Variants in HMCN2 observed in about 807,000 individuals in gnomAD.
HMCN2 encodes hemicentin-2.
A neutral mutation model predicts 377.5 loss-of-function variants in HMCN2; 325 were observed. The observed-to-expected ratio is 0.86, with a 90% CI of 0.79 to 0.94. The LOEUF (loss-of-function observed/expected upper bound fraction) is 0.94. HMCN2 is among the 40% of genes least tolerant of loss of function. The pLI, the probability that HMCN2 is intolerant of heterozygous loss-of-function variation, is 0.00. For missense variants in HMCN2, 4,543 were observed against 4,725.3 expected (o/e 0.96, Z 1.13); for synonymous variants, 2,007 against 2,046.8 (o/e 0.98, Z 0.53).
At chr9:130,420,758 CT>C (rs1005463788) in intron 86 of HMCN2, among the ~76,000 whole-genome samples, 1 of 152,094 alleles carries the variant, frequency 6.6e-6, no homozygotes, top group African/African-American at 2.4e-5. Flanking sequence ...TGGATTAGGC[CT>C]GCCCTAATGA....
intron 61 of HMCN2, 50 bp downstream of exon 61, chr9:130,386,574 A>G: frequency 8.3e-7 from 1 of 1,206,730 alleles, no homozygotes. Flanking sequence ...CCCTAGCAAC[A>G]CCCAGGGCTG....
chr9:130,384,151 C>T (rs181638228), intron 57 of HMCN2, among the ~76,000 whole-genome samples: 153 of 152,336 alleles, frequency 1.0e-3, no homozygotes, highest in Non-Finnish European at 1.1e-3. Flanking sequence ...CTGCCACTGA[C>T]CAGCTGTGTG....
chr9:130,273,946 C>CA (rs1834539538), intron 1 of HMCN2, among the ~76,000 whole-genome samples: 1 of 151,828 alleles, frequency 6.6e-6, no homozygotes. Context: ...AAAAACAAAA[C>CA]AAAAAATCCA....
intron 8 of HMCN2, among the ~76,000 whole-genome samples, chr9:130,301,854 C>T (rs966406457): frequency 2.0e-5 from 3 of 152,220 alleles, no homozygotes; most frequent in African/African-American, 7.2e-5. Flanking sequence ...GCTGACCCAG[C>T]GGGGCAGTTT....
Position 130,393,626 on chromosome 9 carries a change from T to C in HMCN2, c.10235-116T>C, listed in dbSNP as rs189136862. On this transcript the variant is annotated intron_variant, in intron 67 of 97. Coordinates refer to ENST00000683500, the MANE Select transcript of HMCN2 (RefSeq NM_001291815.2). This position sits in a 1 kb window ranked among gnomAD's most constrained non-coding sequence, Gnocchi z 5.2. ...CTGTGGGAGCACAGAGGAGGGCACCTCACCTGGCCTTGGGGGACCAGGGCG... is the reference window on the plus strand; with the variant it reads ...CTGTGGGAGCACAGAGGAGGGCACCCCACCTGGCCTTGGGGGACCAGGGCG... The C allele has an allele frequency of 1.4e-4, 134 of 964,892 alleles. No homozygotes were observed. The African/African-American group carries it at 2.1e-3, about 15-fold the overall frequency. The allele number at this position is 964,892 out of a possible 1,614,324, so 59.8% of individuals were successfully genotyped here.
At position 130,433,404 on chromosome 9, in the gene HMCN2, A is replaced by C. The variant is rs1844884505; in HGVS notation, c.14951A>C (p.Gln4984Pro). Residue 4984 changes from glutamine to proline, a missense_variant, in exon 98 of 98, where the codon CAG becomes CCG. By Grantham distance (76) the Gln-to-Pro change is moderately conservative (BLOSUM62 -1). This residue lies in a region of HMCN2 where 1,155 missense variants were observed against 1,157.7 expected (regional missense o/e 1.00). Transcript: ENST00000683500. Reference sequence around the variant, plus strand: ...GGCACGGGCGGCCCCTCTACGCTGCAGTACCGGCTGCTGCCGCTGCCCCTG... The same window carrying C: ...GGCACGGGCGGCCCCTCTACGCTGCCGTACCGGCTGCTGCCGCTGCCCCTG... Reference protein sequence around the residue: ...DCGTGGPSTLQYRLLPLPLGV... With the variant: ...DCGTGGPSTLPYRLLPLPLGV... 6.7e-7 allele frequency: 1 copy of C among 1,493,078 alleles called. No homozygotes were observed. The highest frequency in any genetic ancestry group is 8.9e-7 in the Non-Finnish European group (1 of 1,129,548). The allele number at this position is 1,493,078 out of a possible 1,614,324, so 92.5% of individuals were successfully genotyped here. A position where few individuals can be genotyped will look rare whatever the true frequency, so the allele number is the denominator to read the frequency against.
chr9:130,324,717 C>T (rs1169575031), intron 19 of HMCN2, among the ~76,000 whole-genome samples: 2 of 152,134 alleles, frequency 1.3e-5, no homozygotes, highest in African/African-American at 2.4e-5. Flanking sequence ...CTCCACCTCC[C>T]GGGTTCAAGT....
intron 1 of HMCN2, among the ~76,000 whole-genome samples, chr9:130,275,907 T>G (rs1554922983): frequency 6.6e-6 from 1 of 152,088 alleles, no homozygotes; most frequent in African/African-American, 2.4e-5. Flanking sequence ...TGAGCTGGAC[T>G]AGGCACGTCC....
rs1554931421 is a variant in HMCN2, at chr9:130,294,932, G to A, written c.690G>A (p.Glu230=). 4 of 470,636 alleles carry A rather than the reference G, an allele frequency of 8.5e-6. No homozygotes were observed. The highest frequency in any genetic ancestry group is 7.1e-5 in the Admixed American group (3 of 42,512). 29.2% of individuals were successfully genotyped at this position (470,636 alleles called of 1,614,324 possible). A position where few individuals can be genotyped will look rare whatever the true frequency, so the allele number is the denominator to read the frequency against. The part of the protein sequence containing the change: ...LLSTDHEEEG[E]HTWRLPFDPS... ...CCACAGACCACGAGGAGGAGGGGGAGCACACATGGAGACTCCCCTTTGACC... is the reference window on the plus strand; with the variant it reads ...CCACAGACCACGAGGAGGAGGGGGAACACACATGGAGACTCCCCTTTGACC... Residue 230 remains glutamate (E), a synonymous_variant, in exon 5 of 98, where the codon GAG becomes GAA. Coordinates refer to ENST00000683500, the MANE Select transcript of HMCN2 (RefSeq NM_001291815.2).
intron 59 of HMCN2, 129 bp from the exon 60 acceptor site, chr9:130,385,431 C>T (rs764187685): frequency 6.2e-6 from 3 of 485,522 alleles, no homozygotes; most frequent in Non-Finnish European, 1.1e-5. Flanking sequence ...TCCCCTGGGT[C>T]TGCGCCAGCC....
At position 130,425,943 on chromosome 9, in the gene HMCN2, G is replaced by GT. The variant is rs1184756267; in HGVS notation, c.13879+21dup. On this transcript the variant is annotated intron_variant, in intron 90 of 97. Transcript: ENST00000683500. ...CAGGCGGGTGAGGCCCCTCTGCTTT[G>GT]TTCCACCCCCACTGCCCCAGCTAAA... is the stretch of plus-strand genomic sequence containing the variant. The GT allele has an allele frequency of 1.3e-6, 2 of 1,525,618 alleles. No homozygotes were observed. The highest frequency in any genetic ancestry group is 1.8e-6 in the Non-Finnish European group (2 of 1,129,964). The allele number at this position is 1,525,618 out of a possible 1,614,324, so 94.5% of individuals were successfully genotyped here.
chr9:130,398,643 C>T lies in HMCN2; in HGVS notation c.11419C>T (p.Pro3807Ser), dbSNP rs1842723936. ...LPCEASGSPK[P>S]LVVWWKDGQK... Reference sequence around the variant, plus strand: ...CTGCGAGGCCAGCGGCTCCCCTAAGCCCCTGGTGGTCTGGTGGAAGGACGG... The same window carrying T: ...CTGCGAGGCCAGCGGCTCCCCTAAGTCCCTGGTGGTCTGGTGGAAGGACGG... Residue 3807 changes from proline to serine, a missense_variant, in exon 75 of 98, where the codon CCC becomes TCC. Coordinates refer to ENST00000683500, the MANE Select transcript of HMCN2 (RefSeq NM_001291815.2). 3 of 1,289,590 alleles carry T rather than the reference C, an allele frequency of 2.3e-6. No individual in the cohort carries two copies. Among genetic ancestry groups the T allele is most frequent in the Non-Finnish European group, 3.0e-6 (3 of 988,658 alleles). The allele number at this position is 1,289,590 out of a possible 1,614,324, so 79.9% of individuals were successfully genotyped here. A position where few individuals can be genotyped will look rare whatever the true frequency, so the allele number is the denominator to read the frequency against.
At chr9:130,331,615 C>A (rs1838432325) in intron 22 of HMCN2, among the ~76,000 whole-genome samples, 23 of 152,166 alleles carry the variant, frequency 1.5e-4, no homozygotes. Context: ...CCCCTCTCCC[C>A]TCCCTGGGCC....
At chr9:130,307,184 G>A (rs1426635598) in intron 13 of HMCN2, among the ~76,000 whole-genome samples, 9 of 152,160 alleles carry the variant, frequency 5.9e-5, no homozygotes, top group African/African-American at 1.9e-4. Context: ...AGGGAGGGAC[G>A]TGTGCTGGGG....
chr9:130,416,373 G>A (rs994422494), intron 85 of HMCN2, among the ~76,000 whole-genome samples: 4 of 152,092 alleles, frequency 2.6e-5, no homozygotes, highest in Admixed American at 2.0e-4. Context: ...CCAAAGTGTT[G>A]GGCTTACAGG....
Position 130,393,339 on chromosome 9 carries a change from C to T in HMCN2, c.10234+30C>T. 1 of 988,822 alleles carries T rather than the reference C, an allele frequency of 1.0e-6. No individual in the cohort carries two copies. The highest frequency in any genetic ancestry group is 4.6e-5 in the South Asian group (1 of 21,556). 61.3% of individuals were successfully genotyped at this position (988,822 alleles called of 1,614,324 possible). The stretch of plus-strand genomic sequence containing the variant: ...GGAGCAGGGGGTGGGGCAAGGGGGT[C>T]TCTGGCCTTGGTGGGTGAGAATCAA... On this transcript the variant is annotated intron_variant, in intron 67 of 97. Transcript: ENST00000683500. This position sits in a 1 kb window ranked among gnomAD's most constrained non-coding sequence, Gnocchi z 5.2.
At chr9:130,385,455 C>G in intron 59 of HMCN2, 105 bp from the exon 60 acceptor site, 1 of 740,410 alleles carries the variant, frequency 1.4e-6, no homozygotes, top group Non-Finnish European at 2.0e-6. Context: ...GGGGCTGGGT[C>G]TGCTGTGTGA....
chr9:130,313,920 C>G (rs1837407938), intron 15 of HMCN2, among the ~76,000 whole-genome samples: 1 of 151,960 alleles, frequency 6.6e-6, no homozygotes. Flanking sequence ...GCTGGGATTA[C>G]AGACACGCAC....
intron 77 of HMCN2, among the ~76,000 whole-genome samples, 164 bp from the exon 78 acceptor site, chr9:130,402,625 C>A (rs1012464075): frequency 6.6e-6 from 1 of 152,186 alleles, no homozygotes; most frequent in African/African-American, 2.4e-5. Flanking sequence ...AGAGGCAAAC[C>A]TAGATGTCAG....
Sources: gnomAD v4.1 joint callset for allele counts (sites outside exome capture counted in the v4.1 genomes callset) on GRCh38, gnomAD v4.1.1 for gene constraint, gnomAD v4.1.1 regional missense constraint, Gnocchi (gnomAD v3.1) non-coding constraint, MANE v1.5 for transcripts, NCBI Gene and HGNC (gene_info 2026-07-23, HGNC 2026-07-21) for gene names.